RBFOX1: variants seen among roughly 807,000 people sequenced by gnomAD.
RBFOX1 encodes the protein RNA binding fox-1 homolog 1.
In RBFOX1, 8 loss-of-function variants were observed where a neutral mutation model predicts 57.7. The observed-to-expected ratio is 0.14, with a 90% CI of 0.08 to 0.25. The LOEUF is 0.25. RBFOX1 is among the 10% of genes least tolerant of loss of function. RBFOX1 has a pLI of 1.00. For synonymous variants in RBFOX1, 326 were observed against 222.4 expected (o/e 1.47, Z -4.15); for missense variants, 611 against 548.5 (o/e 1.11, Z -1.14).
At chr16:6,474,237 A>G (rs759507456) in intron 2 of RBFOX1, among the ~76,000 whole-genome samples, 1 of 152,186 alleles carries the variant, frequency 6.6e-6, no homozygotes, top group Non-Finnish European at 1.5e-5. Flanking sequence ...TTCTATTTCG[A>G]ACACTTTAAT....
At position 5,955,986 on chromosome 16, in the gene RBFOX1, G is replaced by C. The variant is rs998577243; in HGVS notation, c.351+88651G>C. On this transcript the variant is annotated intron_variant, in intron 4 of 19. Transcript: ENST00000641259. ...TAACAAATAAAAATACATTGGCCAT[G>C]CATGGTGGCTCGTGCCTGTAATCCC... 3.3e-5 allele frequency among the ~76,000 whole-genome samples: 5 copies of C among 152,190 alleles called. No individual in the cohort carries two copies. The East Asian group carries it at 9.6e-4, about 29-fold the overall frequency.
At chr16:5,703,912 C>G (rs1011917587) in intron 3 of RBFOX1, among the ~76,000 whole-genome samples, 4 of 152,094 alleles carry the variant, frequency 2.6e-5, no homozygotes, top group Non-Finnish European at 5.9e-5. Context: ...CAAAATTTTA[C>G]AGAAATTTAC....
At chr16:5,672,769 G>A (rs2050050589) in intron 3 of RBFOX1, among the ~76,000 whole-genome samples, 1 of 152,082 alleles carries the variant, frequency 6.6e-6, no homozygotes, top group Admixed American at 6.6e-5. Context: ...TGGCTCACAA[G>A]CAGCCCAGCT....
chr16:5,696,936 C>T (rs963969820), intron 3 of RBFOX1, among the ~76,000 whole-genome samples: 1 of 151,700 alleles, frequency 6.6e-6, no homozygotes, highest in Non-Finnish European at 1.5e-5. Flanking sequence ...TTTTTGAGAC[C>T]GAGTCTCATT....
At chr16:5,833,030 C>T (rs892044145) in intron 3 of RBFOX1, among the ~76,000 whole-genome samples, 3 of 152,136 alleles carry the variant, frequency 2.0e-5, no homozygotes, top group Non-Finnish European at 4.4e-5. Flanking sequence ...AATGCATAGG[C>T]ACAATTTTCC....
chr16:6,624,477 C>G (rs981979239), intron 2 of RBFOX1, among the ~76,000 whole-genome samples: 1 of 152,098 alleles, frequency 6.6e-6, no homozygotes, highest in Non-Finnish European at 1.5e-5. Context: ...GAATTTCTCA[C>G]AAGGTAATCT....
intron 4 of RBFOX1, among the ~76,000 whole-genome samples, chr16:5,942,106 T>A (rs2059292393): frequency 6.6e-6 from 1 of 152,112 alleles, no homozygotes; most frequent in South Asian, 2.1e-4. Context: ...TCTTCTTGCC[T>A]GATGCCCAGG....
At chr16:5,656,476 A>G (rs981679892) in intron 3 of RBFOX1, among the ~76,000 whole-genome samples, 1 of 152,234 alleles carries the variant, frequency 6.6e-6, no homozygotes, top group Non-Finnish European at 1.5e-5. Flanking sequence ...AAAAATCTGT[A>G]CATAGTTAAC....
chr16:7,545,319 G>GT (rs956978394), intron 5 of RBFOX1, among the ~76,000 whole-genome samples: 32 of 152,038 alleles, frequency 2.1e-4, no homozygotes, highest in Middle Eastern at 3.4e-3. Context: ...GCGGGTCATG[G>GT]GGGTGGAGGT....
intron 3 of RBFOX1, among the ~76,000 whole-genome samples, chr16:6,779,823 A>ATATATT (rs2080125591): frequency 2.8e-5 from 1 of 35,494 alleles, no homozygotes; most frequent in African/African-American, 1.3e-4. Context: ...ATATATTTAT[A>ATATATT]TATATTTTTA....
At chr16:6,910,780 T>G (rs1338246924) in intron 3 of RBFOX1, among the ~76,000 whole-genome samples, 1 of 152,202 alleles carries the variant, frequency 6.6e-6, no homozygotes, top group Admixed American at 6.5e-5. Flanking sequence ...CATCAGATCC[T>G]ACGTCTGAGA....
intron 2 of RBFOX1, among the ~76,000 whole-genome samples, chr16:6,560,377 G>T (rs2097164484): frequency 3.3e-5 from 1 of 30,572 alleles, no homozygotes; most frequent in Non-Finnish European, 1.4e-3. Flanking sequence ...TACATGAGGA[G>T]GAGAGGGCCA....
chr16:7,236,687 C>G (rs947336719), intron 4 of RBFOX1, among the ~76,000 whole-genome samples: 9 of 151,906 alleles, frequency 5.9e-5, no homozygotes, highest in African/African-American at 1.7e-4. Context: ...AGTAACTTTA[C>G]TTTTTCTTTT....
chr16:5,609,738 G>A (rs1018741377), intron 3 of RBFOX1, among the ~76,000 whole-genome samples: 30 of 150,882 alleles, frequency 2.0e-4, no homozygotes, highest in African/African-American at 7.4e-4. Context: ...CTGTTCCCCT[G>A]ACCACAAATG....
intron 1 of RBFOX1, among the ~76,000 whole-genome samples, chr16:5,264,875 C>T (rs964767696): frequency 6.6e-6 from 1 of 152,082 alleles, no homozygotes; most frequent in Non-Finnish European, 1.5e-5. Context: ...AAACAGAGCA[C>T]CCCACACCTC....
chr16:5,578,337 A>G (rs1319063061), intron 2 of RBFOX1, among the ~76,000 whole-genome samples: 2 of 151,990 alleles, frequency 1.3e-5, no homozygotes, highest in Admixed American at 6.6e-5. Context: ...GGCAGCCAAA[A>G]TTTACTTGTT....
intron 4 of RBFOX1, among the ~76,000 whole-genome samples, chr16:6,004,510 T>G (rs2060658966): frequency 6.6e-6 from 1 of 152,226 alleles, no homozygotes; most frequent in South Asian, 2.1e-4. Flanking sequence ...TATCAGAGAC[T>G]TTTAGTCTAT....
At chr16:6,127,226 T>A in intron 1 of RBFOX1, among the ~76,000 whole-genome samples, 1 of 152,196 alleles carries the variant, frequency 6.6e-6, no homozygotes, top group Admixed American at 6.5e-5. Flanking sequence ...AAGGTTTGGG[T>A]TTAAACAGCA....
intron 1 of RBFOX1, among the ~76,000 whole-genome samples, chr16:6,099,245 G>A (rs961947478): frequency 3.9e-5 from 6 of 152,292 alleles, no homozygotes; most frequent in Non-Finnish European, 8.8e-5. Context: ...ATTTGTGTGA[G>A]TTGAGCCATA....
Sources: gnomAD v4.1 joint callset for allele counts (sites outside exome capture counted in the v4.1 genomes callset) on GRCh38, gnomAD v4.1.1 for gene constraint, MANE v1.5 for transcripts, NCBI Gene and HGNC (gene_info 2026-07-23, HGNC 2026-07-21) for gene names.